The following NCEH1 variants were observed in gnomAD, a reference collection of about 807,000 sequenced individuals.
NCEH1 encodes the protein 2-acetyl MAGE hydrolase.
A neutral mutation model predicts 25.4 loss-of-function variants in NCEH1; 9 were observed. That is an observed-to-expected ratio of 0.35 (90% confidence interval 0.21 to 0.62). The LOEUF (loss-of-function observed/expected upper bound fraction) is 0.62, where lower values mean the gene tolerates loss of function less well. Ranked by LOEUF, NCEH1 falls within the 20% of genes least tolerant of loss-of-function variation. The pLI, the probability that NCEH1 is intolerant of heterozygous loss-of-function variation, is 0.72. For synonymous variants in NCEH1, 200 were observed against 199.8 expected (o/e 1.00, Z -0.01); for missense variants, 412 against 501.1 (o/e 0.82, Z 1.70).
chr3:172,697,099 T>G (rs2108533756), intron 1 of NCEH1, among the ~76,000 whole-genome samples: 1 of 151,690 alleles, frequency 6.6e-6, no homozygotes, highest in African/African-American at 2.4e-5. Flanking sequence ...TAATTTTTTT[T>G]TTTTTTTGAA....
intron 2 of NCEH1, among the ~76,000 whole-genome samples, chr3:172,647,147 AC>A (rs1216541216): frequency 3.3e-5 from 5 of 152,224 alleles, no homozygotes; most frequent in African/African-American, 1.2e-4. Flanking sequence ...AATAAAAAAA[AC>A]AAGTTGCCAT....
chr3:172,709,225 G>C (rs891804876), intron 1 of NCEH1, among the ~76,000 whole-genome samples: 1 of 152,218 alleles, frequency 6.6e-6, no homozygotes. Flanking sequence ...ATTAACTTAT[G>C]ATGGAGAAGA....
Position 172,633,759 on chromosome 3 carries a change from C to T in NCEH1, c.943G>A (p.Glu315Lys). Residue 315 changes from glutamate (E) to lysine (K), a missense_variant, in exon 5 of 5, where the codon GAG becomes AAG. Coordinates refer to ENST00000475381, the MANE Select transcript of NCEH1 (RefSeq NM_020792.6). ...QTTGNARIVQ[E>K]LPQLLDARSA... is the part of the protein sequence containing the mutation. Reference sequence around the variant, plus strand: ...CGGGCATCCAGCAACTGAGGAAGCTCCTGGACAATCCTGGCATTGCCTGTG... The same window carrying T: ...CGGGCATCCAGCAACTGAGGAAGCTTCTGGACAATCCTGGCATTGCCTGTG... The T allele has an allele frequency of 6.2e-7, 1 of 1,614,188 alleles. No individual in the cohort carries two copies. The highest frequency in any genetic ancestry group is 1.1e-5 in the South Asian group (1 of 91,078).
At chr3:172,656,898 C>T (rs763556065) in intron 1 of NCEH1, among the ~76,000 whole-genome samples, 42 of 152,296 alleles carry the variant, frequency 2.8e-4, no homozygotes, top group Admixed American at 5.2e-4. Flanking sequence ...ATGCCAATGC[C>T]GATGCCAATG....
rs1553830302 is a variant in NCEH1 at position 172,653,735 on chromosome 3, G to GTTTTTTTTT, written c.139-5622_139-5621insAAAAAAAAA. Among the ~76,000 whole-genome samples the GTTTTTTTTT allele has an allele frequency of 7.6e-4, 54 of 71,002 alleles. 1 individual carries two copies. Among genetic ancestry groups the GTTTTTTTTT allele is most frequent in the African/African-American group, 2.3e-3 (46 of 19,700 alleles). 46.6% of individuals were successfully genotyped at this position (71,002 alleles called of 152,430 possible). On this transcript the variant is annotated intron_variant, in intron 1 of 4. Coordinates refer to ENST00000475381, the MANE Select transcript of NCEH1 (RefSeq NM_020792.6). ...TTGTTTTTGTTGTTGTTGTTGTTCT[G>GTTTTTTTTT]TTTTTTTTGTTTTTTTGTTTTTTTG...
At chr3:172,638,223 A>G (rs1716681879) in intron 3 of NCEH1, among the ~76,000 whole-genome samples, 1 of 124,784 alleles carries the variant, frequency 8.0e-6, no homozygotes, top group Non-Finnish European at 1.6e-5. Flanking sequence ...GCTTGCAGTG[A>G]GCTGAGATCG....
rs1261880850 is a variant in NCEH1 at position 172,631,088 on chromosome 3, T to C, written c.*2387A>G. 6.6e-6 allele frequency: 1 copy of C among 151,568 alleles called. No individual in the cohort carries two copies. The highest frequency in any genetic ancestry group is 6.6e-5 in the Admixed American group (1 of 15,172). The allele number at this position is 151,568 out of a possible 1,614,324, so 9.4% of individuals were successfully genotyped here. Reference sequence around the variant, plus strand: ...ATACAAACTAAAAGAACAATGAAACTCAAGTACATTATCAGAAACAGTGGT... The same window carrying C: ...ATACAAACTAAAAGAACAATGAAACCCAAGTACATTATCAGAAACAGTGGT... On this transcript the variant is annotated 3_prime_UTR_variant, in exon 5 of 5. Coordinates refer to ENST00000475381, the MANE Select transcript of NCEH1 (RefSeq NM_020792.6).
At chr3:172,679,175 T>TA (rs1712202774) in intron 1 of NCEH1, among the ~76,000 whole-genome samples, 1 of 152,082 alleles carries the variant, frequency 6.6e-6, no homozygotes, top group Non-Finnish European at 1.5e-5. Context: ...CTGAGAAAGG[T>TA]AAAAACACCT....
intron 1 of NCEH1, among the ~76,000 whole-genome samples, chr3:172,710,497 G>C (rs1202076611): frequency 6.6e-6 from 1 of 152,264 alleles, no homozygotes; most frequent in Non-Finnish European, 1.5e-5. Flanking sequence ...GAGAACGACA[G>C]TGTGAAGAAG....
intron 1 of NCEH1, among the ~76,000 whole-genome samples, chr3:172,666,347 G>C (rs962221363): frequency 1.1e-4 from 17 of 152,122 alleles, no homozygotes; most frequent in African/African-American, 4.1e-4. Flanking sequence ...CAGGTGTTTT[G>C]CAGGCTACAT....
intron 1 of NCEH1, among the ~76,000 whole-genome samples, chr3:172,703,911 C>T (rs772593438): frequency 2.6e-5 from 4 of 152,168 alleles, no homozygotes; most frequent in Non-Finnish European, 4.4e-5. Flanking sequence ...TTCTTAAAAC[C>T]TTTTGCCTCC....
At chr3:172,669,182 A>G (rs1172934103) in intron 1 of NCEH1, among the ~76,000 whole-genome samples, 1 of 152,236 alleles carries the variant, frequency 6.6e-6, no homozygotes, top group Non-Finnish European at 1.5e-5. Flanking sequence ...ATTTTGTGAG[A>G]AAAATATTTA....
At chr3:172,677,128 C>T (rs990804563) in intron 1 of NCEH1, among the ~76,000 whole-genome samples, 1 of 152,218 alleles carries the variant, frequency 6.6e-6, no homozygotes, top group African/African-American at 2.4e-5. Flanking sequence ...ACAAAACCTC[C>T]CATATTCCCT....
chr3:172,654,655 G>A (rs1269923828), intron 1 of NCEH1, among the ~76,000 whole-genome samples: 1 of 152,200 alleles, frequency 6.6e-6, no homozygotes, highest in African/African-American at 2.4e-5. Flanking sequence ...GCAGCACACT[G>A]ATAACCCATA....
At chr3:172,678,760 T>C (rs930391310) in intron 1 of NCEH1, among the ~76,000 whole-genome samples, 1 of 152,200 alleles carries the variant, frequency 6.6e-6, no homozygotes, top group Non-Finnish European at 1.5e-5. Context: ...CATGCATATA[T>C]TGTGTAGTGG....
In NCEH1 at chr3:172,670,306, C is replaced by T. The variant is rs11715367; in HGVS notation, c.139-22192G>A. On this transcript the variant is annotated intron_variant, in intron 1 of 4. Transcript: ENST00000475381. ...CTTTATGTTCTGAAAGCCTCCTAAA[C>T]TTGTCAGTTTACTTCCATTACACTT... is the stretch of plus-strand genomic sequence containing the variant. 4.7e-3 allele frequency among the ~76,000 whole-genome samples: 714 copies of T among 152,316 alleles called. 3 individuals carry two copies. Among genetic ancestry groups the T allele is most frequent in the Middle Eastern group, 0.01 (3 of 294 alleles).
intron 1 of NCEH1, among the ~76,000 whole-genome samples, chr3:172,705,499 G>C (rs1048846539): frequency 1.3e-5 from 2 of 152,190 alleles, no homozygotes; most frequent in African/African-American, 4.8e-5. Context: ...AGTCATTAGG[G>C]GGAAGACGTC....
chr3:172,632,789 AT>A lies in NCEH1; in HGVS notation c.*685del, dbSNP rs2108485522. On this transcript the variant is annotated 3_prime_UTR_variant, in exon 5 of 5. Transcript: ENST00000475381. The stretch of plus-strand genomic sequence containing the variant: ...AACAAAAACCTAATGATATATAGAT[AT>A]CCAGTGCATGCGACTTCATATTTTC... 6.5e-6 allele frequency: 1 copy of A among 152,814 alleles called. No homozygotes were observed. Among genetic ancestry groups the A allele is most frequent in the Admixed American group, 6.5e-5 (1 of 15,306 alleles). The allele number at this position is 152,814 out of a possible 1,614,324, so 9.5% of individuals were successfully genotyped here.
chr3:172,706,337 TATAA>T (rs950366774), intron 1 of NCEH1, among the ~76,000 whole-genome samples: 16 of 152,310 alleles, frequency 1.1e-4, no homozygotes, highest in South Asian at 2.1e-4. Context: ...TGTTTTGATA[TATAA>T]ATAGTGTATG....
Sources: gnomAD v4.1 joint callset for allele counts (sites outside exome capture counted in the v4.1 genomes callset) on GRCh38, gnomAD v4.1.1 for gene constraint, MANE v1.5 for transcripts, NCBI Gene and HGNC (gene_info 2026-07-23, HGNC 2026-07-21) for gene names.